The following AADAC variants were observed in gnomAD, a reference collection of about 807,000 sequenced individuals.
The protein encoded by AADAC is arylacetamide deacetylase (esterase).
A neutral mutation model predicts 22.7 loss-of-function variants in AADAC; 17 were observed. That is an observed-to-expected ratio of 0.75 (90% confidence interval 0.51 to 1.12). AADAC has a LOEUF of 1.12. AADAC is among the 50% of genes most tolerant of loss of function. AADAC has a pLI of 0.00. For missense variants in AADAC, 465 were observed against 473.9 expected, an observed-to-expected ratio of 0.98 and a Z score of 0.17; for synonymous variants, 167 against 176.3, an observed-to-expected ratio of 0.95 and a Z score of 0.42.
chr3:151,822,610 TGCTA>T (rs1716298800), intron 3 of AADAC, among the ~76,000 whole-genome samples: 1 of 152,048 alleles, frequency 6.6e-6, no homozygotes. Context: ...GAAAATATTA[TGCTA>T]GATGAAACAA....
At chr3:151,820,999 T>G (rs1716231619) in intron 3 of AADAC, among the ~76,000 whole-genome samples, 1 of 151,496 alleles carries the variant, frequency 6.6e-6, no homozygotes, top group South Asian at 2.1e-4. Flanking sequence ...AAGTAAAAAT[T>G]TTTTTCACAT....
chr3:151,825,163 G>T (rs1380857496), intron 4 of AADAC, among the ~76,000 whole-genome samples: 1 of 150,856 alleles, frequency 6.6e-6, no homozygotes, highest in East Asian at 1.9e-4. Flanking sequence ...CTTGAGACCA[G>T]GAGTTTGATA....
chr3:151,826,275 A>G (rs1716488508), intron 4 of AADAC, among the ~76,000 whole-genome samples: 1 of 151,984 alleles, frequency 6.6e-6, no homozygotes, highest in South Asian at 2.1e-4. Flanking sequence ...AAAGCATTAG[A>G]CTGGACATCA....
chr3:151,825,124 C>T lies in AADAC; in HGVS notation c.603+290C>T, dbSNP rs148047826. 3.6e-3 allele frequency among the ~76,000 whole-genome samples: 545 copies of T among 150,664 alleles called. 9 individuals are homozygous for T. Among genetic ancestry groups the T allele is most frequent in the African/African-American group, 0.012 (497 of 41,032 alleles). ...TGGTAGCTCAGCACTGCAATCCCAG[C>T]GCTCTGGGAGGCCAAGGCAAAGGGA... On this transcript the variant is annotated intron_variant, in intron 4 of 4. Coordinates refer to ENST00000232892, the MANE Select transcript of AADAC (RefSeq NM_001086.3).
intron 2 of AADAC, 37 bp downstream of exon 2, chr3:151,817,625 T>C: frequency 6.3e-7 from 1 of 1,585,222 alleles, no homozygotes; most frequent in Non-Finnish European, 8.7e-7. Flanking sequence ...GTCACTGAGG[T>C]AGTTCGCAGA....
intron 4 of AADAC, among the ~76,000 whole-genome samples, chr3:151,825,329 G>T (rs1716441403): frequency 6.6e-6 from 1 of 151,878 alleles, no homozygotes; most frequent in African/African-American, 2.4e-5. Context: ...GGAGTTCAAG[G>T]TTACAGTAAG....
intron 3 of AADAC, among the ~76,000 whole-genome samples, chr3:151,824,447 G>T (rs981796470): frequency 1.3e-5 from 2 of 151,892 alleles, no homozygotes; most frequent in Non-Finnish European, 2.9e-5. Context: ...AAGGTTTCTG[G>T]GATGCGGGCA....
chr3:151,822,733 G>A (rs1452434692), intron 3 of AADAC, among the ~76,000 whole-genome samples: 2 of 151,966 alleles, frequency 1.3e-5, no homozygotes, highest in Admixed American at 6.6e-5. Context: ...ATTGGGTTTG[G>A]AGGATGGGGA....
chr3:151,824,731 T>C lies in AADAC; in HGVS notation c.500T>C (p.Phe167Ser), dbSNP rs1284717131. Residue 167 changes from phenylalanine to serine, a missense_variant, in exon 4 of 5, where the codon TTC becomes TCC. By Grantham distance (155) the Phe-to-Ser change is radical. Transcript: ENST00000232892. The part of the protein sequence containing the change: ...FEDVYNALRW[F>S]LRKKVLAKYG... Reference sequence around the variant, plus strand: ...GATGTATATAATGCCTTAAGGTGGTTCTTACGTAAAAAAGTTCTTGCAAAA... The same window carrying C: ...GATGTATATAATGCCTTAAGGTGGTCCTTACGTAAAAAAGTTCTTGCAAAA... 3.7e-6 allele frequency: 6 copies of C among 1,609,068 alleles called. No homozygotes were observed. The East Asian group carries it at 8.9e-5, about 24-fold the overall frequency.
rs1287444635 is a variant in AADAC at position 151,827,685 on chromosome 3, T to C, written c.713T>C (p.Phe238Ser). 6.2e-7 allele frequency: 1 copy of C among 1,612,766 alleles called. No homozygotes were observed. The highest frequency in any genetic ancestry group is 8.5e-7 in the Non-Finnish European group (1 of 1,179,084). The change falls in exon 5 of 5, where the codon TTT (phenylalanine) becomes TCT (serine). Residue 238 changes from phenylalanine to serine, a missense_variant. By Grantham distance (155) the Phe-to-Ser change is radical. Coordinates refer to ENST00000232892, the MANE Select transcript of AADAC (RefSeq NM_001086.3). Reference sequence around the variant, plus strand: ...CCGTCATATCAAGAAAATTCAAATTTTCTATTTCTATCCAAATCACTCATG... The same window carrying C: ...CCGTCATATCAAGAAAATTCAAATTCTCTATTTCTATCCAAATCACTCATG... The part of the protein sequence containing the change: ...DLPSYQENSN[F>S]LFLSKSLMVR...
At chr3:151,824,941 G>A (rs1716414331) in intron 4 of AADAC, 107 bp downstream of exon 4, 3 of 862,120 alleles carry the variant, frequency 3.5e-6, no homozygotes, top group South Asian at 4.1e-5. Context: ...ATGCAAATAG[G>A]AGATATTGAT....
At chr3:151,822,456 T>G (rs780837061) in intron 3 of AADAC, among the ~76,000 whole-genome samples, 3 of 152,046 alleles carry the variant, frequency 2.0e-5, no homozygotes, top group Non-Finnish European at 4.4e-5. Context: ...AATTGAATAT[T>G]TGAAATTCAA....
At chr3:151,819,353 C>G (rs1399404673) in intron 2 of AADAC, among the ~76,000 whole-genome samples, 1 of 151,924 alleles carries the variant, frequency 6.6e-6, no homozygotes, top group East Asian at 1.9e-4. Context: ...GGAAGTATGT[C>G]TCTTGGATGT....
chr3:151,814,117 GGTTTACTTTCTGT>G lies in AADAC; in HGVS notation c.-41_-29del, dbSNP rs1472944175. ...GTACACTATTCAGGCATATCATGTAGGTTTACTTTCTGTGTTTCTAGAGACCAAGAAGCGGGAC... is the reference window on the plus strand; with the variant it reads ...GTACACTATTCAGGCATATCATGTAGGTTTCTAGAGACCAAGAAGCGGGAC... On this transcript the variant is annotated 5_prime_UTR_variant, in exon 1 of 5. Coordinates refer to ENST00000232892, the MANE Select transcript of AADAC (RefSeq NM_001086.3). The G allele has an allele frequency of 6.2e-7, 1 of 1,607,814 alleles. No homozygotes were observed.
Position 151,819,309 on chromosome 3 carries a change from C to T in AADAC, c.362-1074C>T, listed in dbSNP as rs539254703. ...TCAAGAAAGAGGAAATAATAGAAGT[C>T]CTGCATCGTGTAGAGATGTCAAGTA... is the stretch of plus-strand genomic sequence containing the variant. On this transcript the variant is annotated intron_variant, in intron 2 of 4. Coordinates refer to ENST00000232892, the MANE Select transcript of AADAC (RefSeq NM_001086.3). Among the ~76,000 whole-genome samples, 17 of 152,012 alleles carry T rather than the reference C, an allele frequency of 1.1e-4. No individual in the cohort carries two copies. The South Asian group carries it at 1.9e-3, about 17-fold the overall frequency.
intron 4 of AADAC, 102 bp downstream of exon 4, chr3:151,824,936 A>T: frequency 1.1e-6 from 1 of 912,224 alleles, no homozygotes. Context: ...TATGAATGCA[A>T]ATAGGAGATA....
intron 3 of AADAC, 82 bp downstream of exon 3, chr3:151,820,534 T>TTTTG (rs1716203452): frequency 1.1e-5 from 11 of 1,008,474 alleles, no homozygotes; most frequent in African/African-American, 1.7e-5. Context: ...TTTTTTTTTT[T>TTTTG]TGTGATGGAG....
chr3:151,820,514 TTC>T (rs372388253), intron 3 of AADAC, 62 bp downstream of exon 3: 106 of 1,036,962 alleles, frequency 1.0e-4, no homozygotes, highest in Admixed American at 3.2e-4. Context: ...TTTCTCAGCT[TTC>T]TTTTTTTTTT....
chr3:151,816,161 A>C (rs1170235256), intron 1 of AADAC, among the ~76,000 whole-genome samples: 1 of 152,016 alleles, frequency 6.6e-6, no homozygotes, highest in Non-Finnish European at 1.5e-5. Flanking sequence ...GGCTGCAGGC[A>C]GGCAAGCTGC....
Sources: gnomAD v4.1 joint callset for allele counts (sites outside exome capture counted in the v4.1 genomes callset) on GRCh38, gnomAD v4.1.1 for gene constraint, MANE v1.5 for transcripts, NCBI Gene and HGNC (gene_info 2026-07-23, HGNC 2026-07-21) for gene names.